NFIA: variants seen among roughly 807,000 people sequenced by gnomAD.
NFIA encodes nuclear factor I A.
Under a neutral mutation model 62.8 loss-of-function variants are expected in NFIA, and 8 were observed. That is an observed-to-expected ratio of 0.13 (90% CI 0.07 to 0.23). The LOEUF (loss-of-function observed/expected upper bound fraction) is 0.23. Among genes scored for constraint, NFIA ranks in the 10% least tolerant of loss-of-function variants. NFIA has a pLI of 1.00. For synonymous variants in NFIA, 235 were observed against 238.1 expected (o/e 0.99, Z 0.12); for missense variants, 410 against 642.1 (o/e 0.64, Z 3.91).
intron 10 of NFIA, among the ~76,000 whole-genome samples, chr1:61,436,561 C>A (rs1667338270): frequency 6.6e-6 from 1 of 152,194 alleles, no homozygotes; most frequent in African/African-American, 2.4e-5. Context: ...CACTGACACA[C>A]ACAGTTTCAA....
intron 2 of NFIA, among the ~76,000 whole-genome samples, chr1:61,243,960 T>A (rs1655495773): frequency 6.6e-6 from 1 of 152,228 alleles, no homozygotes. Flanking sequence ...AGTGAGTATT[T>A]TACTTTAAAA....
chr1:61,352,996 G>C (rs1662636593), intron 5 of NFIA, among the ~76,000 whole-genome samples: 1 of 152,096 alleles, frequency 6.6e-6, no homozygotes, highest in Non-Finnish European at 1.5e-5. Flanking sequence ...ATGTTCTCAG[G>C]AAATGAAGGA....
intron 2 of NFIA, among the ~76,000 whole-genome samples, chr1:61,268,770 C>T (rs1400958801): frequency 6.6e-6 from 1 of 152,094 alleles, no homozygotes; most frequent in East Asian, 1.9e-4. Context: ...TTTCCCTTTT[C>T]CTGGGAGCTC....
At chr1:61,095,552 A>G (rs1489155251) in intron 2 of NFIA, among the ~76,000 whole-genome samples, 1 of 152,164 alleles carries the variant, frequency 6.6e-6, no homozygotes, top group Non-Finnish European at 1.5e-5. Flanking sequence ...GGGAAAGTAA[A>G]AAGTCAAAAT....
chr1:61,326,932 C>T (rs1478791253), intron 3 of NFIA, among the ~76,000 whole-genome samples: 12 of 151,868 alleles, frequency 7.9e-5, no homozygotes, highest in South Asian at 2.1e-4. Flanking sequence ...AGAGAATAAA[C>T]AAGAGGCTAT....
chr1:61,218,392 C>A (rs1221432421), intron 2 of NFIA, among the ~76,000 whole-genome samples: 4 of 152,182 alleles, frequency 2.6e-5, no homozygotes, highest in Non-Finnish European at 5.9e-5. Context: ...CGCTTGGTAT[C>A]TGCAGGGGAT....
At chr1:61,176,738 A>G (rs1216070156) in intron 2 of NFIA, among the ~76,000 whole-genome samples, 1 of 152,034 alleles carries the variant, frequency 6.6e-6, no homozygotes, top group African/African-American at 2.4e-5. Flanking sequence ...TTTTTTTTCT[A>G]TGCTTGTATA....
intron 2 of NFIA, among the ~76,000 whole-genome samples, chr1:61,104,956 G>A (rs1248578149): frequency 1.3e-5 from 2 of 151,788 alleles, no homozygotes; most frequent in Non-Finnish European, 2.9e-5. Context: ...AAAATAGAAT[G>A]GATTTTTAAA....
At chr1:61,433,714 A>C (rs2100564212) in intron 10 of NFIA, among the ~76,000 whole-genome samples, 1 of 152,280 alleles carries the variant, frequency 6.6e-6, no homozygotes, top group African/African-American at 2.4e-5. Flanking sequence ...TTTGATTATA[A>C]GAGTTACACT....
chr1:61,206,187 A>G (rs1377965344), intron 2 of NFIA, among the ~76,000 whole-genome samples: 7 of 152,156 alleles, frequency 4.6e-5, no homozygotes, highest in Admixed American at 3.9e-4. Flanking sequence ...ACTTTTTGTT[A>G]TAAAAATTGT....
intron 3 of NFIA, 55 bp downstream of exon 3, chr1:61,277,640 G>A: frequency 1.3e-6 from 2 of 1,580,636 alleles, no homozygotes; most frequent in South Asian, 2.2e-5. Context: ...GCAGCCAGCA[G>A]GCCGACTAAG....
chr1:61,178,895 G>A (rs1650570719), intron 2 of NFIA, among the ~76,000 whole-genome samples: 1 of 152,216 alleles, frequency 6.6e-6, no homozygotes, highest in Non-Finnish European at 1.5e-5. Context: ...ATGCCCTAAT[G>A]AGCAGATTAT....
chr1:61,144,771 A>G (rs572821082), intron 2 of NFIA, among the ~76,000 whole-genome samples: 7 of 152,312 alleles, frequency 4.6e-5, no homozygotes, highest in Admixed American at 3.3e-4. Flanking sequence ...CACAGGGTAC[A>G]TGCTCAGAGA....
chr1:61,428,006 A>T (rs1339586481), intron 10 of NFIA, among the ~76,000 whole-genome samples: 3 of 152,176 alleles, frequency 2.0e-5, no homozygotes, highest in African/African-American at 7.2e-5. Context: ...TCCAAGTTCA[A>T]TGAGAGGGGG....
chr1:61,255,048 G>A (rs914576412), intron 2 of NFIA, among the ~76,000 whole-genome samples: 4 of 152,150 alleles, frequency 2.6e-5, no homozygotes, highest in Non-Finnish European at 5.9e-5. Flanking sequence ...AAGCCCAGAG[G>A]CTGTATATTT....
At chr1:61,441,329 G>GTGTGTGTC (rs1553122143) in intron 10 of NFIA, among the ~76,000 whole-genome samples, 5 of 146,390 alleles carry the variant, frequency 3.4e-5, no homozygotes, top group African/African-American at 5.1e-5. Flanking sequence ...GTGTGTGTGT[G>GTGTGTGTC]TGTGTCTGTC....
At chr1:61,269,884 T>A (rs1657404354) in intron 2 of NFIA, among the ~76,000 whole-genome samples, 1 of 152,228 alleles carries the variant, frequency 6.6e-6, no homozygotes. Flanking sequence ...GAAATTCATT[T>A]GCATACATCT....
chr1:61,360,149 G>T (rs1663206628), intron 6 of NFIA, among the ~76,000 whole-genome samples: 1 of 152,156 alleles, frequency 6.6e-6, no homozygotes, highest in African/African-American at 2.4e-5. Context: ...CTGAACAAAT[G>T]ATGACTGCTG....
chr1:61,307,016 T>C (rs1256590643), intron 3 of NFIA, among the ~76,000 whole-genome samples: 1 of 152,158 alleles, frequency 6.6e-6, no homozygotes, highest in African/African-American at 2.4e-5. Context: ...TCAGAAAGTA[T>C]TGGGTTGGTG....
Sources: allele counts gnomAD v4.1 joint callset (sites outside exome capture counted in the v4.1 genomes callset), GRCh38; gene constraint gnomAD v4.1.1; transcripts MANE v1.5; gene names NCBI Gene and HGNC (gene_info 2026-07-23, HGNC 2026-07-21).